The following ATP8A2 variants were observed in gnomAD, a reference collection of about 807,000 sequenced individuals.
ATP8A2 encodes the protein phospholipid-transporting ATPase IB.
In ATP8A2, 100 loss-of-function variants were observed where a neutral mutation model predicts 165.6. The ratio of observed to expected loss-of-function variants is 0.60; its 90% CI spans 0.51 to 0.71. The LOEUF (loss-of-function observed/expected upper bound fraction) is 0.71. ATP8A2 is among the 30% of genes least tolerant of loss of function. ATP8A2 has a pLI of 0.00. For synonymous variants in ATP8A2, 543 were observed against 548.8 expected, an observed-to-expected ratio of 0.99 and a Z score of 0.15; for missense variants, 1,227 against 1,479.5, an observed-to-expected ratio of 0.83 and a Z score of 2.80.
At chr13:25,499,639 A>G (rs2036788416) in intron 2 of ATP8A2, among the ~76,000 whole-genome samples, 1 of 152,138 alleles carries the variant, frequency 6.6e-6, no homozygotes, top group Non-Finnish European at 1.5e-5. Flanking sequence ...TATTCTATTC[A>G]TTCAGGAATG....
intron 1 of ATP8A2, among the ~76,000 whole-genome samples, chr13:25,414,885 T>C (rs2034088343): frequency 6.6e-6 from 1 of 152,210 alleles, no homozygotes; most frequent in South Asian, 2.1e-4. Context: ...ATCATTCATC[T>C]CTTCATTAGT....
At chr13:25,488,136 T>C (rs1307361286) in intron 2 of ATP8A2, among the ~76,000 whole-genome samples, 2 of 152,196 alleles carry the variant, frequency 1.3e-5, no homozygotes, top group African/African-American at 4.8e-5. Flanking sequence ...GGTAGGCTTG[T>C]TGCTCTTTTT....
At chr13:25,980,051 A>G (rs79392494) in intron 35 of ATP8A2, among the ~76,000 whole-genome samples, 2,603 of 152,312 alleles carry the variant, frequency 0.017, 71 homozygotes, top group African/African-American at 0.059. Context: ...CCAATGAAGA[A>G]CGGACAGTCA....
chr13:25,599,392 GA>G (rs1345176558), intron 24 of ATP8A2, among the ~76,000 whole-genome samples: 1 of 152,184 alleles, frequency 6.6e-6, no homozygotes, highest in Non-Finnish European at 1.5e-5. Context: ...CTCACCTCAT[GA>G]ACTTCTCTTC....
chr13:25,384,297 C>T (rs890590393), intron 1 of ATP8A2, among the ~76,000 whole-genome samples: 3 of 152,082 alleles, frequency 2.0e-5, no homozygotes, highest in African/African-American at 7.2e-5. Flanking sequence ...TTAAGTATTC[C>T]TTTTATTCCA....
At chr13:25,560,986 A>G (rs1200321273) in intron 15 of ATP8A2, among the ~76,000 whole-genome samples, 1 of 150,638 alleles carries the variant, frequency 6.6e-6, no homozygotes, top group Non-Finnish European at 1.5e-5. Context: ...TCCCGGGTTC[A>G]TACCATTCTC....
At chr13:25,963,204 G>C (rs1233441585) in intron 34 of ATP8A2, among the ~76,000 whole-genome samples, 1 of 151,966 alleles carries the variant, frequency 6.6e-6, no homozygotes, top group Non-Finnish European at 1.5e-5. Flanking sequence ...GACCATCCTG[G>C]CCAACATTGA....
intron 33 of ATP8A2, among the ~76,000 whole-genome samples, chr13:25,913,996 A>G (rs192681357): frequency 6.6e-6 from 1 of 152,280 alleles, no homozygotes; most frequent in East Asian, 1.9e-4. Flanking sequence ...GTGACCTCAT[A>G]TGACTCCTCA....
intron 33 of ATP8A2, among the ~76,000 whole-genome samples, chr13:25,864,258 G>A (rs573346569): frequency 4.0e-5 from 6 of 149,684 alleles, no homozygotes; most frequent in South Asian, 2.1e-4. Flanking sequence ...GGACGGGGTC[G>A]CTTGGCATGT....
chr13:25,549,157 G>A (rs1008221755), intron 10 of ATP8A2, among the ~76,000 whole-genome samples: 2 of 152,028 alleles, frequency 1.3e-5, no homozygotes, highest in African/African-American at 2.4e-5. Context: ...AATTGGTGTT[G>A]TCTCTTAAAA....
chr13:25,875,371 C>A (rs775513264), intron 33 of ATP8A2, among the ~76,000 whole-genome samples: 1 of 151,804 alleles, frequency 6.6e-6, no homozygotes, highest in Non-Finnish European at 1.5e-5. Flanking sequence ...TAGTACCCAT[C>A]TTTTTTTGGT....
rs555487445 is a variant in ATP8A2 at position 25,682,114 on chromosome 13, C to T, written c.2212-17059C>T. Among the ~76,000 whole-genome samples, 54 of 152,186 alleles carry T rather than the reference C, an allele frequency of 3.5e-4. No individual in the cohort carries two copies. In the South Asian group the frequency reaches 0.011, roughly 30 times the overall value. Reference sequence around the variant, plus strand: ...AAAGCAAAATTTAAAAAAAACACACCAAAAACCCCGTGATCACCATTCTCT... The same window carrying T: ...AAAGCAAAATTTAAAAAAAACACACTAAAAACCCCGTGATCACCATTCTCT... On this transcript the variant is annotated intron_variant, in intron 24 of 36. Coordinates refer to ENST00000381655, the MANE Select transcript of ATP8A2 (RefSeq NM_016529.6).
chr13:25,597,857 G>T (rs1371492110), intron 24 of ATP8A2, among the ~76,000 whole-genome samples: 27 of 144,726 alleles, frequency 1.9e-4, no homozygotes, highest in East Asian at 4.1e-4. Flanking sequence ...GAAGTTTTTT[G>T]TTTTTTTTTT....
chr13:25,722,526 G>C (rs1460898771), intron 25 of ATP8A2, among the ~76,000 whole-genome samples: 2 of 152,168 alleles, frequency 1.3e-5, no homozygotes, highest in African/African-American at 2.4e-5. Flanking sequence ...TTTGCATCCT[G>C]TACATGCTAT....
intron 33 of ATP8A2, among the ~76,000 whole-genome samples, chr13:25,864,272 TGACA>T (rs71764662): frequency 0.12 from 17,792 of 152,180 alleles, 1,424 homozygotes; most frequent in Non-Finnish European, 0.18. Context: ...GGCATGTGAC[TGACA>T]GACAAAGCCC....
chr13:25,556,091 T>C (rs1290764891), intron 13 of ATP8A2, among the ~76,000 whole-genome samples: 1 of 152,224 alleles, frequency 6.6e-6, no homozygotes, highest in Non-Finnish European at 1.5e-5. Context: ...CTGCATGTCT[T>C]TTTGTTAGAA....
intron 1 of ATP8A2, 179 bp from the exon 2 acceptor site, chr13:25,468,798 G>T (rs1593352649): frequency 1.0e-6 from 1 of 981,356 alleles, no homozygotes; most frequent in Non-Finnish European, 1.2e-6. Context: ...GGCCGGCCTT[G>T]GCTGCCGCGG....
chr13:25,514,107 CT>C (rs2037388056), intron 2 of ATP8A2, among the ~76,000 whole-genome samples: 1 of 151,950 alleles, frequency 6.6e-6, no homozygotes, highest in Non-Finnish European at 1.5e-5. Context: ...TTTGGTTTTA[CT>C]TTTTGGAAAA....
intron 1 of ATP8A2, among the ~76,000 whole-genome samples, chr13:25,417,549 C>A (rs2034170212): frequency 6.6e-6 from 1 of 152,204 alleles, no homozygotes; most frequent in African/African-American, 2.4e-5. Flanking sequence ...CTTTAACACT[C>A]CAAATTTGAT....
Sources: allele counts gnomAD v4.1 joint callset (sites outside exome capture counted in the v4.1 genomes callset), GRCh38; gene constraint gnomAD v4.1.1; transcripts MANE v1.5; gene names NCBI Gene and HGNC (gene_info 2026-07-23, HGNC 2026-07-21).